The following PIGN variants were observed in gnomAD, a reference collection of about 807,000 sequenced individuals.
PIGN encodes phosphatidylinositol glycan anchor biosynthesis class N.
In PIGN, 117 loss-of-function variants were observed where a neutral mutation model predicts 125.4. The observed-to-expected ratio is 0.93, with a 90% CI of 0.80 to 1.09. PIGN has a LOEUF of 1.09. Ranked by LOEUF, PIGN falls within the 50% of genes least tolerant of loss-of-function variation. The pLI, the probability that PIGN is intolerant of heterozygous loss-of-function variation, is 0.00. For synonymous variants in PIGN, 392 were observed against 377.8 expected (o/e 1.04, Z -0.44); for missense variants, 1,075 against 1,094.9 (o/e 0.98, Z 0.26).
chr18:62,075,964 C>G (rs952232685), intron 28 of PIGN: 8 of 151,860 alleles, frequency 5.3e-5, no homozygotes, highest in African/African-American at 1.7e-4. Context: ...GAGATGGAGT[C>G]TCGCTCCGTC....
In PIGN at chr18:62,062,433, TC is replaced by T. The variant is rs377639705; in HGVS notation, c.2672+10239del. ...TCCCGTTTAACCTATGGGGGTTAGA[TC>T]CCCAATGATGAAATACTGAGAATGA... is the stretch of plus-strand genomic sequence containing the variant. On this transcript the variant is annotated intron_variant, in intron 30 of 30. Transcript: ENST00000640252. Among the ~76,000 whole-genome samples, 408 of 152,280 alleles carry T rather than the reference TC, an allele frequency of 2.7e-3. 3 individuals carry two copies. The highest frequency in any genetic ancestry group is 9.6e-3 in the African/African-American group (398 of 41,546).
intron 1 of PIGN, among the ~76,000 whole-genome samples, chr18:62,170,490 C>G (rs1021824625): frequency 3.9e-5 from 6 of 152,334 alleles, no homozygotes; most frequent in Admixed American, 3.9e-4. Flanking sequence ...TGTTTTGAGA[C>G]AATTCCATAT....
At chr18:62,141,718 G>A (rs574202576) in intron 11 of PIGN, among the ~76,000 whole-genome samples, 3 of 152,216 alleles carry the variant, frequency 2.0e-5, no homozygotes, top group South Asian at 2.1e-4. Flanking sequence ...AAACCACATC[G>A]TGTCACTCTC....
chr18:62,087,039 A>G (rs1267221229), intron 25 of PIGN, among the ~76,000 whole-genome samples: 2 of 152,190 alleles, frequency 1.3e-5, no homozygotes, highest in Admixed American at 6.5e-5. Flanking sequence ...AATGTTAGAC[A>G]TGTGGTCCTC....
At chr18:62,137,203 T>C (rs970781804) in intron 14 of PIGN, 3 of 400,012 alleles carry the variant, frequency 7.5e-6, no homozygotes, top group Non-Finnish European at 1.3e-5. Context: ...CTGCTTGCAC[T>C]TGAACATCAG....
chr18:62,167,834 A>C (rs1191406900), intron 1 of PIGN, among the ~76,000 whole-genome samples: 1 of 152,050 alleles, frequency 6.6e-6, no homozygotes, highest in African/African-American at 2.4e-5. Context: ...GACATTTTTT[A>C]GTCTCATCTT....
At chr18:62,128,496 A>C (rs773211649) in intron 14 of PIGN, among the ~76,000 whole-genome samples, 3 of 152,218 alleles carry the variant, frequency 2.0e-5, no homozygotes, top group Non-Finnish European at 4.4e-5. Context: ...GATGGGGTCC[A>C]TAAGAGATCA....
intron 16 of PIGN, among the ~76,000 whole-genome samples, chr18:62,110,872 T>A (rs991685173): frequency 1.4e-4 from 21 of 147,518 alleles, no homozygotes; most frequent in Non-Finnish European, 2.5e-4. Flanking sequence ...TATATATATA[T>A]AAATATGTAT....
chr18:62,138,905 AT>A, intron 13 of PIGN, 77 bp downstream of exon 13: 1 of 715,688 alleles, frequency 1.4e-6, no homozygotes, highest in Non-Finnish European at 2.3e-6. Context: ...AAAATCAAAT[AT>A]TTTCCCTAAA....
chr18:62,173,937 C>T (rs547963167), intron 1 of PIGN, among the ~76,000 whole-genome samples: 31 of 152,216 alleles, frequency 2.0e-4, no homozygotes, highest in African/African-American at 6.7e-4. Flanking sequence ...ATTTCTCGGC[C>T]GGGTGCGGTG....
intron 17 of PIGN, among the ~76,000 whole-genome samples, chr18:62,108,468 C>T (rs532624400): frequency 2.0e-5 from 3 of 152,112 alleles, no homozygotes; most frequent in East Asian, 3.9e-4. Flanking sequence ...GTTAAATATG[C>T]GTATGCAACA....
intron 14 of PIGN, chr18:62,135,798 T>C (rs1384234515): frequency 6.6e-6 from 1 of 151,976 alleles, no homozygotes; most frequent in African/African-American, 2.4e-5. Flanking sequence ...GGCTCATTTT[T>C]ATATTTTTTG....
intron 30 of PIGN, among the ~76,000 whole-genome samples, chr18:62,067,491 CA>C (rs1484705410): frequency 6.6e-6 from 1 of 152,168 alleles, no homozygotes; most frequent in East Asian, 1.9e-4. Flanking sequence ...AATCATACCC[CA>C]ACTGCCAGCC....
chr18:62,094,903 C>T (rs752373564), intron 23 of PIGN, among the ~76,000 whole-genome samples: 7 of 152,142 alleles, frequency 4.6e-5, no homozygotes, highest in Non-Finnish European at 8.8e-5. Flanking sequence ...ACTACAAGAA[C>T]TCCTGGGGTC....
chr18:62,165,187 G>C (rs1200970698), intron 1 of PIGN, among the ~76,000 whole-genome samples: 1 of 152,156 alleles, frequency 6.6e-6, no homozygotes, highest in Non-Finnish European at 1.5e-5. Context: ...TGTAAAGTGA[G>C]GTTCCTCCTC....
intron 19 of PIGN, 72 bp from the exon 20 acceptor site, chr18:62,105,706 T>C (rs1599531981): frequency 5.1e-6 from 4 of 785,562 alleles, no homozygotes; most frequent in East Asian, 5.6e-5. Flanking sequence ...TCACAGACTA[T>C]ATGACTGTGA....
rs545434291 is a variant in PIGN, at chr18:62,121,779, A to G, written c.1173-7140T>C. On this transcript the variant is annotated intron_variant, in intron 14 of 30. Transcript: ENST00000640252. Reference sequence around the variant, plus strand: ...TTTATCCCTTAATCTACTGATGGGCACTTAGATTGATTCCATATTTTAGCT... The same window carrying G: ...TTTATCCCTTAATCTACTGATGGGCGCTTAGATTGATTCCATATTTTAGCT... Among the ~76,000 whole-genome samples the G allele has an allele frequency of 1.6e-3, 249 of 152,260 alleles. 1 individual carries two copies. The highest frequency in any genetic ancestry group is 2.7e-3 in the Non-Finnish European group (183 of 68,010).
intron 7 of PIGN, among the ~76,000 whole-genome samples, chr18:62,149,349 T>A (rs1362580394): frequency 1.3e-5 from 2 of 152,132 alleles, no homozygotes; most frequent in African/African-American, 4.8e-5. Context: ...ACTTAACCCC[T>A]AAGAAAATTT....
At chr18:62,038,268 C>T (rs1015850840), downstream of PIGN, among the ~76,000 whole-genome samples, 11 of 148,450 alleles carry the variant, frequency 7.4e-5, no homozygotes, top group Non-Finnish European at 1.5e-4. Context: ...CGTAATCCAC[C>T]GTGTTCTTAG....
Sources: allele counts gnomAD v4.1 joint callset (sites outside exome capture counted in the v4.1 genomes callset), GRCh38; gene constraint gnomAD v4.1.1; transcripts MANE v1.5; gene names NCBI Gene and HGNC (gene_info 2026-07-23, HGNC 2026-07-21).